TANC1: variants seen among roughly 807,000 people sequenced by gnomAD.
The protein encoded by TANC1 is protein TANC1.
A neutral mutation model predicts 149.7 loss-of-function variants in TANC1; 77 were observed. The observed-to-expected ratio is 0.51, with a 90% CI of 0.43 to 0.62. The LOEUF is 0.62. Ranked by LOEUF, TANC1 falls within the 20% of genes least tolerant of loss-of-function variation. The pLI is 0.00. For missense variants in TANC1, 1,985 were observed against 2,321.8 expected, an observed-to-expected ratio of 0.85 and a Z score of 2.98; for synonymous variants, 854 against 925.0, an observed-to-expected ratio of 0.92 and a Z score of 1.39.
At chr2:159,183,505 G>A (rs547829984) in intron 14 of TANC1, among the ~76,000 whole-genome samples, 20 of 152,230 alleles carry the variant, frequency 1.3e-4, no homozygotes, top group Admixed American at 6.5e-4. Flanking sequence ...GGGACCTTAC[G>A]GATGTAAGTG....
chr2:159,224,176 G>A, intron 22 of TANC1, 56 bp from the exon 23 acceptor site: 4 of 1,606,582 alleles, frequency 2.5e-6, no homozygotes, highest in Non-Finnish European at 3.4e-6. Context: ...CTAAATCCGT[G>A]TGCGCCCCTG....
At chr2:159,088,354 A>G (rs1214821408) in intron 3 of TANC1, among the ~76,000 whole-genome samples, 1 of 152,116 alleles carries the variant, frequency 6.6e-6, no homozygotes, top group Non-Finnish European at 1.5e-5. Flanking sequence ...CCATATCTAT[A>G]ATATTTTCTC....
intron 22 of TANC1, among the ~76,000 whole-genome samples, chr2:159,220,824 A>G (rs13432803): frequency 0.087 from 13,189 of 152,038 alleles, 1,210 homozygotes; most frequent in East Asian, 0.23. Context: ...TCAAGTGATC[A>G]CCCCACCTTG....
At chr2:159,199,849 A>G (rs866708697) in intron 19 of TANC1, among the ~76,000 whole-genome samples, 54 of 152,276 alleles carry the variant, frequency 3.5e-4, no homozygotes, top group African/African-American at 1.3e-3. Flanking sequence ...TAATAAGCCA[A>G]ATGGTGGTGT....
chr2:159,178,884 A>G lies in TANC1; in HGVS notation c.2231A>G (p.Lys744Arg), dbSNP rs778039097. ...CTCTATTTGCTTCAGTGCAACATGAAGTTCATGACCCAGTCCGCCTTTGAG... is the reference window on the plus strand; with the variant it reads ...CTCTATTTGCTTCAGTGCAACATGAGGTTCATGACCCAGTCCGCCTTTGAG... ...SELYLLQCNMKFMTQSAFERA... is the reference protein window; with the variant it reads ...SELYLLQCNMRFMTQSAFERA... The change falls in exon 14 of 27, where the codon AAG becomes AGG. Residue 744 changes from lysine to arginine, a missense_variant. Transcript: ENST00000263635. 9.3e-6 allele frequency: 15 copies of G among 1,614,042 alleles called. No individual in the cohort carries two copies.
At chr2:159,170,135 A>G (rs1416702838) in intron 9 of TANC1, among the ~76,000 whole-genome samples, 1 of 152,140 alleles carries the variant, frequency 6.6e-6, no homozygotes, top group Non-Finnish European at 1.5e-5. Flanking sequence ...TAGGGAAAAC[A>G]TGTTTCTGTT....
intron 4 of TANC1, among the ~76,000 whole-genome samples, chr2:159,112,046 A>G (rs931258799): frequency 2.0e-5 from 3 of 152,216 alleles, no homozygotes; most frequent in Non-Finnish European, 4.4e-5. Context: ...CTCTTCAGTG[A>G]AAATTCAGTA....
intron 4 of TANC1, among the ~76,000 whole-genome samples, chr2:159,105,000 T>C (rs1220286649): frequency 2.0e-4 from 8 of 40,402 alleles, no homozygotes; most frequent in South Asian, 1.2e-3. Context: ...TTTTTTTTTT[T>C]TTTTTTTTTT....
intron 4 of TANC1, among the ~76,000 whole-genome samples, chr2:159,116,455 A>AAC (rs754714980): frequency 9.2e-4 from 120 of 130,414 alleles, no homozygotes; most frequent in African/African-American, 2.2e-3. Context: ...CAACAACAAC[A>AAC]AAAAAAAAAA....
At chr2:159,131,084 G>A (rs114878787) in intron 4 of TANC1, among the ~76,000 whole-genome samples, 1,869 of 152,088 alleles carry the variant, frequency 0.012, 50 homozygotes, top group African/African-American at 0.042. Context: ...CCCCAGAGAG[G>A]AATCCTCCCA....
chr2:159,117,992 AG>A (rs1209984496), intron 4 of TANC1, among the ~76,000 whole-genome samples: 5 of 144,126 alleles, frequency 3.5e-5, no homozygotes, highest in Admixed American at 2.8e-4. Context: ...TCTGTACTGG[AG>A]TTTTTCTCTA....
intron 19 of TANC1, among the ~76,000 whole-genome samples, chr2:159,217,108 T>A (rs942580275): frequency 6.6e-6 from 1 of 152,132 alleles, no homozygotes; most frequent in Non-Finnish European, 1.5e-5. Context: ...CCCTTCCAGA[T>A]GGGACATGCA....
At chr2:159,129,241 C>G (rs57119420) in intron 4 of TANC1, among the ~76,000 whole-genome samples, 355 of 152,154 alleles carry the variant, frequency 2.3e-3, no homozygotes, top group African/African-American at 8.2e-3. Flanking sequence ...AAAGGTAATC[C>G]CTGCCCTTCT....
chr2:159,176,266 T>C (rs2055847161), intron 12 of TANC1, 86 bp from the exon 13 acceptor site: 2 of 713,246 alleles, frequency 2.8e-6, no homozygotes, highest in Non-Finnish European at 4.4e-6. Flanking sequence ...TTTCTAACAC[T>C]AAACTGGGCA....
At chr2:159,207,503 C>T (rs2058682826) in intron 19 of TANC1, among the ~76,000 whole-genome samples, 1 of 151,970 alleles carries the variant, frequency 6.6e-6, no homozygotes, top group Non-Finnish European at 1.5e-5. Context: ...AGTTCAAGAC[C>T]AGTCTGGCCA....
chr2:159,014,223 C>T (rs2038045794), intron 2 of TANC1, among the ~76,000 whole-genome samples: 1 of 152,162 alleles, frequency 6.6e-6, no homozygotes, highest in African/African-American at 2.4e-5. Flanking sequence ...TTCCACATGG[C>T]TGGGGAAGCC....
chr2:159,178,206 A>G (rs1303419587), intron 13 of TANC1, among the ~76,000 whole-genome samples: 1 of 152,228 alleles, frequency 6.6e-6, no homozygotes, highest in African/African-American at 2.4e-5. Flanking sequence ...GCAGTTTCAC[A>G]GTGTAAGGAT....
At chr2:159,053,831 C>G (rs2041646809) in intron 2 of TANC1, among the ~76,000 whole-genome samples, 1 of 152,200 alleles carries the variant, frequency 6.6e-6, no homozygotes, top group African/African-American at 2.4e-5. Context: ...CCAGGGTTCT[C>G]CCCCTGTGGG....
chr2:158,971,915 TCTC>T (rs1382279860), intron 1 of TANC1, among the ~76,000 whole-genome samples: 5 of 152,216 alleles, frequency 3.3e-5, no homozygotes, highest in African/African-American at 9.7e-5. Context: ...CCTAGTCTCT[TCTC>T]CTCTGTTTAT....
Sources: allele counts gnomAD v4.1 joint callset (sites outside exome capture counted in the v4.1 genomes callset), GRCh38; gene constraint gnomAD v4.1.1; transcripts MANE v1.5; gene names NCBI Gene and HGNC (gene_info 2026-07-23, HGNC 2026-07-21).